Variants in GRIN3A observed in about 807,000 individuals in gnomAD.
GRIN3A encodes the protein glutamate ionotropic receptor NMDA type subunit 3A, also known as glutamate receptor ionotropic, NMDA 3A.
GRIN3A carries 47 observed loss-of-function variants against 92.4 expected under a neutral mutation model. The observed-to-expected ratio is 0.51, with a 90% CI of 0.40 to 0.65. The LOEUF (loss-of-function observed/expected upper bound fraction) is 0.65. Ranked by LOEUF, GRIN3A falls within the 30% of genes least tolerant of loss-of-function variation. GRIN3A has a pLI of 0.00. For synonymous variants in GRIN3A, 527 were observed against 540.6 expected (o/e 0.97, Z 0.35); for missense variants, 1,324 against 1,393.1 (o/e 0.95, Z 0.79).
chr9:101,596,892 T>G (rs1342908088), intron 6 of GRIN3A, among the ~76,000 whole-genome samples: 6 of 152,248 alleles, frequency 3.9e-5, no homozygotes, highest in Non-Finnish European at 8.8e-5. Flanking sequence ...TTATGTAATT[T>G]GCAGTGTCCT....
chr9:101,646,850 T>C (rs1018012240), intron 3 of GRIN3A, among the ~76,000 whole-genome samples: 1 of 151,916 alleles, frequency 6.6e-6, no homozygotes, highest in Non-Finnish European at 1.5e-5. Context: ...AATCTTTGTA[T>C]CCTGCAACTT....
intron 3 of GRIN3A, among the ~76,000 whole-genome samples, chr9:101,647,653 T>C (rs1385481597): frequency 6.6e-6 from 1 of 152,036 alleles, no homozygotes; most frequent in Non-Finnish European, 1.5e-5. Flanking sequence ...AGACTTTTTG[T>C]TACTGCTTCA....
intron 3 of GRIN3A, 151 bp from the exon 4 acceptor site, chr9:101,628,552 G>T: frequency 1.4e-6 from 1 of 702,200 alleles, no homozygotes; most frequent in Non-Finnish European, 2.3e-6. Flanking sequence ...GTGCAGACAT[G>T]GCTACATGCT....
At chr9:101,629,138 A>G (rs1272401032) in intron 3 of GRIN3A, among the ~76,000 whole-genome samples, 1 of 152,162 alleles carries the variant, frequency 6.6e-6, no homozygotes, top group Non-Finnish European at 1.5e-5. Flanking sequence ...CAACATATAA[A>G]TCATGTTTGT....
chr9:101,607,822 C>G (rs547263567), intron 6 of GRIN3A, among the ~76,000 whole-genome samples: 1 of 152,146 alleles, frequency 6.6e-6, no homozygotes, highest in Admixed American at 6.5e-5. Context: ...TCCTTCTGAC[C>G]TTTTCTGGGA....
At chr9:101,673,414 C>T (rs755411151) in intron 2 of GRIN3A, among the ~76,000 whole-genome samples, 1 of 152,106 alleles carries the variant, frequency 6.6e-6, no homozygotes, top group Non-Finnish European at 1.5e-5. Flanking sequence ...CTCCAGTTTT[C>T]CCAGCCCAGA....
intron 3 of GRIN3A, among the ~76,000 whole-genome samples, chr9:101,666,970 C>T (rs551479754): frequency 6.6e-6 from 1 of 152,138 alleles, no homozygotes; most frequent in South Asian, 2.1e-4. Context: ...TACCACTATA[C>T]TGTGCTATTC....
At chr9:101,577,937 C>CAGATCAAATCAGGGCAATTTATCAAAA in intron 7 of GRIN3A, 93 bp from the exon 8 acceptor site, 1 of 892,346 alleles carries the variant, frequency 1.1e-6, no homozygotes, top group Non-Finnish European at 1.9e-6. Flanking sequence ...TATATGTAGT[C>CAGATCAAATCAGGGCAATTTATCAAAA]GTTACAAACC....
intron 6 of GRIN3A, among the ~76,000 whole-genome samples, chr9:101,585,228 G>A (rs1588236443): frequency 6.6e-6 from 1 of 152,008 alleles, no homozygotes. Flanking sequence ...CATCTTCTTT[G>A]GTATAGTTTC....
intron 1 of GRIN3A, among the ~76,000 whole-genome samples, chr9:101,716,955 G>A (rs978887166): frequency 6.6e-6 from 1 of 152,170 alleles, no homozygotes; most frequent in Non-Finnish European, 1.5e-5. Context: ...GCTGGCTGCT[G>A]TAGAAAGGCC....
At chr9:101,594,489 C>T (rs140969417) in intron 6 of GRIN3A, 4 of 1,614,204 alleles carry the variant, frequency 2.5e-6, no homozygotes, top group Non-Finnish European at 3.4e-6. Flanking sequence ...ATCTTCCCAT[C>T]GCCATCCTTG....
At chr9:101,624,225 T>C (rs1486181835) in intron 4 of GRIN3A, among the ~76,000 whole-genome samples, 1 of 149,808 alleles carries the variant, frequency 6.7e-6, no homozygotes, top group Non-Finnish European at 1.5e-5. Flanking sequence ...TTTATTTTTT[T>C]ATTTTATTAT....
intron 6 of GRIN3A, chr9:101,601,088 T>C (rs913362975): frequency 6.6e-6 from 1 of 152,176 alleles, no homozygotes; most frequent in Non-Finnish European, 1.5e-5. Flanking sequence ...AGAGGAAGAC[T>C]TTTTTCTTTC....
chr9:101,705,316 A>C (rs1829800666), intron 1 of GRIN3A, among the ~76,000 whole-genome samples: 1 of 152,164 alleles, frequency 6.6e-6, no homozygotes, highest in Non-Finnish European at 1.5e-5. Flanking sequence ...GCAGCGCCGC[A>C]GAGAAGGAGG....
chr9:101,733,786 G>A (rs1028772592), intron 1 of GRIN3A, among the ~76,000 whole-genome samples: 3 of 152,084 alleles, frequency 2.0e-5, no homozygotes, highest in East Asian at 1.9e-4. Flanking sequence ...AGTACATATC[G>A]CTCATGAAGC....
intron 1 of GRIN3A, among the ~76,000 whole-genome samples, chr9:101,700,913 A>G (rs1426625758): frequency 2.0e-5 from 3 of 152,216 alleles, no homozygotes; most frequent in African/African-American, 7.2e-5. Flanking sequence ...AAATGCTAAA[A>G]TAACACATCT....
At position 101,665,491 on chromosome 9, in the gene GRIN3A, A is replaced by G. The variant is rs535908571; in HGVS notation, c.2352+4569T>C. 2.0e-5 allele frequency among the ~76,000 whole-genome samples: 3 copies of G among 152,064 alleles called. No homozygotes were observed. The South Asian group carries it at 6.2e-4, about 31-fold the overall frequency. On this transcript the variant is annotated intron_variant, in intron 3 of 8. Coordinates refer to ENST00000361820, the MANE Select transcript of GRIN3A (RefSeq NM_133445.3). ...CTGAGGTGAGTTTTATGTAGTGAAAACGGGATGAAAATGGCAACATGGTGT... is the reference window on the plus strand; with the variant it reads ...CTGAGGTGAGTTTTATGTAGTGAAAGCGGGATGAAAATGGCAACATGGTGT...
At chr9:101,677,304 T>C (rs1220245629) in intron 2 of GRIN3A, among the ~76,000 whole-genome samples, 1 of 152,074 alleles carries the variant, frequency 6.6e-6, no homozygotes, top group African/African-American at 2.4e-5. Context: ...GTTTCTGGCA[T>C]GTGGGTTAAT....
Position 101,588,585 on chromosome 9 carries a change from A to G in GRIN3A, c.2767-9225T>C, listed in dbSNP as rs1206288442. ...GTTTTTTGAAAAATTTATTATTAAA[A>G]CGACTCAGAAAAATATTTTTAAAAA... On this transcript the variant is annotated intron_variant, in intron 6 of 8. Transcript: ENST00000361820. 3.3e-5 allele frequency among the ~76,000 whole-genome samples: 5 copies of G among 152,270 alleles called. 1 individual carries two copies. The highest frequency in any genetic ancestry group is 5.9e-5 in the Non-Finnish European group (4 of 68,022).
Sources: allele counts gnomAD v4.1 joint callset (sites outside exome capture counted in the v4.1 genomes callset), GRCh38; gene constraint gnomAD v4.1.1; transcripts MANE v1.5; gene names NCBI Gene and HGNC (gene_info 2026-07-23, HGNC 2026-07-21).